The following C17orf67 variants were observed in gnomAD, a reference collection of about 807,000 sequenced individuals.
C17orf67 encodes uncharacterized protein C17orf67.
Under a neutral mutation model 11.2 loss-of-function variants are expected in C17orf67, and 12 were observed. The observed-to-expected ratio is 1.07, with a 90% CI of 0.68 to 1.73. The LOEUF (loss-of-function observed/expected upper bound fraction) is 1.73, where lower values mean the gene tolerates loss of function less well. Among genes scored for constraint, C17orf67 ranks in the 40% most tolerant of loss-of-function variants. C17orf67 has a pLI of 0.00. For missense variants in C17orf67, 115 were observed against 113.5 expected (o/e 1.01, Z -0.06); for synonymous variants, 59 against 46.9 (o/e 1.26, Z -1.05).
At chr17:56,794,262 A>C (rs921034535) in intron 7 of C17orf67, among the ~76,000 whole-genome samples, 3 of 152,226 alleles carry the variant, frequency 2.0e-5, no homozygotes, top group African/African-American at 7.2e-5. Flanking sequence ...TAAACAACAA[A>C]GGTATAAGAT....
intron 6 of C17orf67, among the ~76,000 whole-genome samples, chr17:56,812,165 G>C (rs1905644983): frequency 6.6e-6 from 1 of 152,240 alleles, no homozygotes; most frequent in African/African-American, 2.4e-5. Context: ...ATTATAGAGA[G>C]AGACAGAGAG....
In C17orf67 at chr17:56,823,125, A is replaced by G. The variant is rs117721158; in HGVS notation, c.-201+1614T>C. 1.1e-3 allele frequency among the ~76,000 whole-genome samples: 172 copies of G among 152,334 alleles called. 2 individuals carry two copies. In the East Asian group the frequency reaches 0.027, roughly 24 times the overall value. ...ATACTAGGGGAGTGAACCATGCACA[A>G]AATAATTTATGAAACCACTTCTAAG... On this transcript the variant is annotated intron_variant, in intron 4 of 7. Transcript: ENST00000397861.
intron 2 of C17orf67, among the ~76,000 whole-genome samples, chr17:56,832,225 C>T (rs549653020): frequency 5.6e-4 from 85 of 152,236 alleles, no homozygotes; most frequent in African/African-American, 1.8e-3. Context: ...GGGTTACAGG[C>T]GTGAGCCACA....
At chr17:56,830,590 T>A (rs1833007428) in intron 2 of C17orf67, among the ~76,000 whole-genome samples, 1 of 151,726 alleles carries the variant, frequency 6.6e-6, no homozygotes. Context: ...CTTTTCCCCA[T>A]CTCCTCTCAA....
chr17:56,816,341 C>G (rs1210767162), intron 4 of C17orf67, among the ~76,000 whole-genome samples: 2 of 152,168 alleles, frequency 1.3e-5, no homozygotes, highest in Non-Finnish European at 2.9e-5. Context: ...AAACAGAGTT[C>G]AAATCCTAGC....
chr17:56,832,562 G>A (rs933232926), intron 2 of C17orf67, among the ~76,000 whole-genome samples: 4 of 152,242 alleles, frequency 2.6e-5, no homozygotes, highest in African/African-American at 9.6e-5. Flanking sequence ...ACTGTGGGAG[G>A]ATAGGACCCT....
At chr17:56,794,462 C>T (rs1231245346) in intron 7 of C17orf67, among the ~76,000 whole-genome samples, 2 of 151,396 alleles carry the variant, frequency 1.3e-5, no homozygotes, top group Admixed American at 6.6e-5. Context: ...CATCTAGGCA[C>T]AGAGGTACAG....
chr17:56,813,889 C>T (rs1192805307), intron 6 of C17orf67, among the ~76,000 whole-genome samples: 1 of 151,970 alleles, frequency 6.6e-6, no homozygotes, highest in Non-Finnish European at 1.5e-5. Flanking sequence ...GATGAAAGTA[C>T]TGAGCTGCAG....
intron 2 of C17orf67, among the ~76,000 whole-genome samples, chr17:56,830,458 T>A (rs1026947796): frequency 6.6e-6 from 1 of 152,208 alleles, no homozygotes. Flanking sequence ...AAATAGTGGA[T>A]ATTTTTCAAA....
At chr17:56,832,397 TAAC>T (rs1452231353) in intron 2 of C17orf67, among the ~76,000 whole-genome samples, 1 of 152,150 alleles carries the variant, frequency 6.6e-6, no homozygotes, top group Non-Finnish European at 1.5e-5. Flanking sequence ...CTTAAAGAGT[TAAC>T]AACAACAACA....
chr17:56,829,589 C>T (rs1380792944), intron 2 of C17orf67, among the ~76,000 whole-genome samples: 1 of 152,182 alleles, frequency 6.6e-6, no homozygotes, highest in Admixed American at 6.5e-5. Context: ...CAGGTTCTCC[C>T]ATGTTGACTC....
Position 56,807,910 on chromosome 17 carries a change from TAAATAAATA to T in C17orf67, c.156+6950_156+6958del, listed in dbSNP as rs1567795329. Among the ~76,000 whole-genome samples, 5 of 58,346 alleles carry T rather than the reference TAAATAAATA, an allele frequency of 8.6e-5. No individual in the cohort carries two copies. The East Asian group carries it at 0.012, about 139-fold the overall frequency. The allele number at this position is 58,346 out of a possible 152,430, so 38.3% of individuals were successfully genotyped here. On this transcript the variant is annotated intron_variant, in intron 6 of 7. Transcript: ENST00000397861. ...GTCTCAAAAATAAATAAATAATAAATAAATAAATAAATAAATAAATAAATAAATAAATAG... is the reference window on the plus strand; with the variant it reads ...GTCTCAAAAATAAATAAATAATAAATAATAAATAAATAAATAAATAAATAG...
chr17:56,811,821 C>T (rs1364564128), intron 6 of C17orf67, among the ~76,000 whole-genome samples: 1 of 152,256 alleles, frequency 6.6e-6, no homozygotes, highest in Non-Finnish European at 1.5e-5. Context: ...CTCCATACCA[C>T]CCAGTTCAAC....
intron 7 of C17orf67, among the ~76,000 whole-genome samples, chr17:56,794,835 G>C (rs1199261971): frequency 6.6e-6 from 1 of 152,146 alleles, no homozygotes; most frequent in African/African-American, 2.4e-5. Flanking sequence ...TTCAATAAAA[G>C]TTGGGCTCCC....
At chr17:56,816,190 T>C (rs75283396) in intron 4 of C17orf67, among the ~76,000 whole-genome samples, 180 bp from the exon 5 acceptor site, 283 of 152,322 alleles carry the variant, frequency 1.9e-3, no homozygotes, top group Middle Eastern at 6.8e-3. Context: ...TATTACACAT[T>C]TGTATCTTTT....
chr17:56,816,050 AGCTT>A, intron 4 of C17orf67, 40 bp from the exon 5 acceptor site: 1 of 645,336 alleles, frequency 1.5e-6, no homozygotes, highest in Non-Finnish European at 2.4e-6. Context: ...TGACTTTCAG[AGCTT>A]GAATCTGAAA....
intron 6 of C17orf67, among the ~76,000 whole-genome samples, chr17:56,795,793 G>A (rs1905201249): frequency 6.6e-6 from 1 of 152,134 alleles, no homozygotes; most frequent in African/African-American, 2.4e-5. Flanking sequence ...ATTATGTTAG[G>A]GTTATGCCAT....
intron 6 of C17orf67, among the ~76,000 whole-genome samples, chr17:56,813,564 C>CA (rs112601927): frequency 0.13 from 18,496 of 141,092 alleles, 1,183 homozygotes; most frequent in South Asian, 0.16. Context: ...TCTTATTCTA[C>CA]AAAAAAAAAA....
intron 6 of C17orf67, among the ~76,000 whole-genome samples, chr17:56,797,479 G>A (rs915109754): frequency 1.3e-5 from 2 of 152,094 alleles, no homozygotes; most frequent in Non-Finnish European, 2.9e-5. Flanking sequence ...GGGAACCAAG[G>A]GATTCAGTCT....
Sources: gnomAD v4.1 joint callset for allele counts (sites outside exome capture counted in the v4.1 genomes callset) on GRCh38, gnomAD v4.1.1 for gene constraint, MANE v1.5 for transcripts, NCBI Gene and HGNC (gene_info 2026-07-23, HGNC 2026-07-21) for gene names.